The following ENKUR variants were observed in gnomAD, a reference collection of about 807,000 sequenced individuals.
ENKUR encodes enkurin.
In ENKUR, 19 loss-of-function variants were observed where a neutral mutation model predicts 27.6. The observed-to-expected ratio is 0.69, with a 90% CI of 0.48 to 1.01. The LOEUF is 1.01. ENKUR is among the 50% of genes least tolerant of loss of function. The probability of loss-of-function intolerance (pLI) is 0.00; values close to 1 mark genes in which losing one functional copy is unlikely to be tolerated. For synonymous variants in ENKUR, 117 were observed against 96.9 expected, an observed-to-expected ratio of 1.21 and a Z score of -1.22; for missense variants, 312 against 310.5, an observed-to-expected ratio of 1.00 and a Z score of -0.04.
chr10:25,023,462 G>A (rs1470095725), intron 2 of ENKUR: 3 of 1,614,092 alleles, frequency 1.9e-6, no homozygotes, highest in Middle Eastern at 1.6e-4. Flanking sequence ...CAGAAACTAG[G>A]TTGTTGTGTC....
At chr10:24,990,741 C>A (rs950518442) in intron 3 of ENKUR, 132 bp from the exon 4 acceptor site, 6 of 895,214 alleles carry the variant, frequency 6.7e-6, no homozygotes, top group Non-Finnish European at 9.6e-6. Flanking sequence ...TGTAAATTGA[C>A]AAAATTCAGT....
intron 2 of ENKUR, among the ~76,000 whole-genome samples, chr10:25,054,206 A>C (rs1260612305): frequency 1.3e-5 from 2 of 152,220 alleles, no homozygotes. Context: ...GGATCACTTG[A>C]GGTCAGGAGT....
At chr10:25,023,976 T>C (rs1251141515) in intron 2 of ENKUR, 10 of 1,614,216 alleles carry the variant, frequency 6.2e-6, no homozygotes, top group South Asian at 1.1e-5. Context: ...CAAAATTCTT[T>C]AGTGAAGCTG....
chr10:25,024,552 T>C (rs999787683), intron 2 of ENKUR: 1 of 1,614,052 alleles, frequency 6.2e-7, no homozygotes, highest in African/African-American at 1.3e-5. Context: ...GCCAGACAGC[T>C]ATAAAAAGAA....
chr10:25,006,228 G>A (rs1365921545), intron 1 of ENKUR, among the ~76,000 whole-genome samples: 1 of 152,014 alleles, frequency 6.6e-6, no homozygotes, highest in Non-Finnish European at 1.5e-5. Context: ...TTATGTTATC[G>A]TACTGGAACA....
At chr10:25,046,363 A>G (rs989910546) in intron 2 of ENKUR, among the ~76,000 whole-genome samples, 1 of 152,214 alleles carries the variant, frequency 6.6e-6, no homozygotes, top group Non-Finnish European at 1.5e-5. Flanking sequence ...TATGTCAATC[A>G]TCAGAACTAT....
intron 2 of ENKUR, among the ~76,000 whole-genome samples, chr10:25,035,057 CAAAG>C (rs1850991922): frequency 6.6e-6 from 1 of 151,460 alleles, no homozygotes; most frequent in Non-Finnish European, 1.5e-5. Context: ...TCATTCTTGT[CAAAG>C]AAAAAAAATA....
intron 2 of ENKUR, chr10:25,024,143 C>T: frequency 6.2e-7 from 1 of 1,614,178 alleles, no homozygotes. Context: ...GACATACCTG[C>T]TGCCAGGTTG....
chr10:25,024,687 T>C, intron 2 of ENKUR: 1 of 1,614,256 alleles, frequency 6.2e-7, no homozygotes, highest in Non-Finnish European at 8.5e-7. Flanking sequence ...CCGCATATCT[T>C]GATCTTGTTA....
At chr10:25,019,284 G>A (rs977394652), upstream of ENKUR, among the ~76,000 whole-genome samples, 1 of 152,140 alleles carries the variant, frequency 6.6e-6, no homozygotes, top group African/African-American at 2.4e-5. Flanking sequence ...GACCAGCCTG[G>A]GCAACATGGC....
chr10:25,052,670 G>A (rs778719817), intron 2 of ENKUR, among the ~76,000 whole-genome samples: 27 of 152,116 alleles, frequency 1.8e-4, no homozygotes, highest in Non-Finnish European at 3.7e-4. Flanking sequence ...TACTCAGGAG[G>A]CTGAGGCAGG....
intron 2 of ENKUR, among the ~76,000 whole-genome samples, chr10:25,045,627 T>G (rs1358315238): frequency 6.6e-6 from 1 of 152,154 alleles, no homozygotes; most frequent in Admixed American, 6.6e-5. Context: ...AATTTGAAAC[T>G]GAGACATTGT....
intron 3 of ENKUR, among the ~76,000 whole-genome samples, chr10:24,992,745 A>ACATC (rs1849952720): frequency 6.6e-6 from 1 of 152,212 alleles, no homozygotes; most frequent in Non-Finnish European, 1.5e-5. Flanking sequence ...ATCACAGTGT[A>ACATC]ACTTAACCCA....
chr10:25,023,367 A>G, intron 2 of ENKUR: 1 of 1,614,180 alleles, frequency 6.2e-7, no homozygotes, highest in African/African-American at 1.3e-5. Flanking sequence ...CATGGTATTC[A>G]ACCCACTCTC....
intron 2 of ENKUR, among the ~76,000 whole-genome samples, chr10:25,057,036 A>C (rs1368588649): frequency 6.6e-6 from 1 of 152,198 alleles, no homozygotes; most frequent in Non-Finnish European, 1.5e-5. Context: ...ATTCTTCTCC[A>C]AGATCAGAAA....
Position 24,995,635 on chromosome 10 carries a change from C to A in ENKUR, c.447+11G>T, listed in dbSNP as rs760750100. ...AATTTCAGCCCTCTTATTAATATAC[C>A]ACAAGGCTACCTTTTTATTGATGTA... On this transcript the variant is annotated intron_variant, in intron 3 of 5. Coordinates refer to ENST00000331161, the MANE Select transcript of ENKUR (RefSeq NM_145010.4). 6.2e-7 allele frequency: 1 copy of A among 1,602,190 alleles called. No homozygotes were observed. Among genetic ancestry groups the A allele is most frequent in the Non-Finnish European group, 8.5e-7 (1 of 1,174,484 alleles).
chr10:25,054,492 T>TCTTTCTTTCTTTCTTTCTTTCTTTC (rs937663949), intron 2 of ENKUR, among the ~76,000 whole-genome samples: 110 of 127,736 alleles, frequency 8.6e-4, no homozygotes, highest in Middle Eastern at 3.7e-3. Flanking sequence ...TTTCTTTCTT[T>TCTTTCTTTCTTTCTTTCTTTCTTTC]CTTTCTTTCT....
chr10:25,044,148 G>T (rs1851095150), intron 2 of ENKUR, among the ~76,000 whole-genome samples: 1 of 152,054 alleles, frequency 6.6e-6, no homozygotes, highest in Non-Finnish European at 1.5e-5. Flanking sequence ...TTATTGTATA[G>T]CTCACATCAT....
At chr10:25,035,891 G>A (rs552885196) in intron 2 of ENKUR, among the ~76,000 whole-genome samples, 7 of 152,280 alleles carry the variant, frequency 4.6e-5, no homozygotes, top group South Asian at 4.1e-4. Context: ...ATCTTTGGGC[G>A]TCAGTTCACT....
Sources: allele counts gnomAD v4.1 joint callset (sites outside exome capture counted in the v4.1 genomes callset), GRCh38; gene constraint gnomAD v4.1.1; transcripts MANE v1.5; gene names NCBI Gene and HGNC (gene_info 2026-07-23, HGNC 2026-07-21).